The following PKN2 variants were observed in gnomAD, a reference collection of about 807,000 sequenced individuals.
The protein encoded by PKN2 is protein kinase N2.
PKN2 carries 38 observed loss-of-function variants against 119.1 expected under a neutral mutation model. The observed-to-expected ratio is 0.32, with a 90% CI of 0.25 to 0.42. PKN2 has a LOEUF of 0.42. Ranked by LOEUF, PKN2 falls within the 10% of genes least tolerant of loss-of-function variation. The probability of loss-of-function intolerance (pLI) is 1.00; values close to 1 mark genes in which losing one functional copy is unlikely to be tolerated. For missense variants in PKN2, 850 were observed against 1,165.1 expected (o/e 0.73, Z 3.94); for synonymous variants, 390 against 384.9 (o/e 1.01, Z -0.15).
intron 2 of PKN2, among the ~76,000 whole-genome samples, chr1:88,745,886 A>G (rs545460160): frequency 1.3e-4 from 20 of 152,296 alleles, no homozygotes; most frequent in East Asian, 7.7e-4. Flanking sequence ...TAGACTCATT[A>G]ACCAATGGAA....
intron 2 of PKN2, among the ~76,000 whole-genome samples, chr1:88,748,282 A>G (rs1262487089): frequency 6.6e-6 from 1 of 152,168 alleles, no homozygotes; most frequent in Non-Finnish European, 1.5e-5. Flanking sequence ...TTCCCTGACA[A>G]CCACTGACCT....
intron 2 of PKN2, among the ~76,000 whole-genome samples, chr1:88,758,623 CAT>C (rs1669313695): frequency 6.6e-6 from 1 of 152,086 alleles, no homozygotes; most frequent in African/African-American, 2.4e-5. Context: ...TAAGAAAGAA[CAT>C]GTGGTATTTG....
At chr1:88,820,231 T>A (rs924762777) in intron 16 of PKN2, among the ~76,000 whole-genome samples, 753 of 55,056 alleles carry the variant, frequency 0.014, 62 homozygotes, top group African/African-American at 0.06. Context: ...TATATATATA[T>A]ATAAATAGAA....
At chr1:88,706,918 G>T (rs1301452826) in intron 1 of PKN2, among the ~76,000 whole-genome samples, 1 of 151,894 alleles carries the variant, frequency 6.6e-6, no homozygotes, top group Non-Finnish European at 1.5e-5. Context: ...TTTGGTCAAA[G>T]AACACCTCAT....
chr1:88,723,018 C>A (rs1667746204), intron 1 of PKN2, among the ~76,000 whole-genome samples: 1 of 152,160 alleles, frequency 6.6e-6, no homozygotes, highest in African/African-American at 2.4e-5. Context: ...TCAAGGATCG[C>A]TTTCCACCTC....
At chr1:88,721,160 A>G (rs1382446359) in intron 1 of PKN2, among the ~76,000 whole-genome samples, 1 of 152,160 alleles carries the variant, frequency 6.6e-6, no homozygotes, top group Admixed American at 6.5e-5. Flanking sequence ...TTGCTGGATC[A>G]AATGGTAGAC....
chr1:88,740,648 A>C (rs1668541647), intron 1 of PKN2, among the ~76,000 whole-genome samples: 1 of 152,144 alleles, frequency 6.6e-6, no homozygotes, highest in African/African-American at 2.4e-5. Context: ...AACTTGCTCA[A>C]GGTTCACAGT....
At chr1:88,805,846 A>T (rs780603106) in intron 11 of PKN2, 45 bp from the exon 12 acceptor site, 2 of 1,610,102 alleles carry the variant, frequency 1.2e-6, no homozygotes, top group Non-Finnish European at 1.7e-6. Flanking sequence ...TTTAAAATAC[A>T]GACTTTCTAT....
chr1:88,762,398 G>A (rs1325378820), intron 3 of PKN2, among the ~76,000 whole-genome samples: 11 of 152,106 alleles, frequency 7.2e-5, no homozygotes. Flanking sequence ...TCTGAGATAG[G>A]CCTGCCAGTT....
intron 16 of PKN2, among the ~76,000 whole-genome samples, chr1:88,816,392 G>A (rs760744916): frequency 3.3e-5 from 5 of 151,664 alleles, no homozygotes; most frequent in Non-Finnish European, 5.9e-5. Context: ...GACTACAGGC[G>A]CGTGCCACCA....
intron 3 of PKN2, among the ~76,000 whole-genome samples, chr1:88,763,114 C>G (rs927990216): frequency 3.3e-5 from 5 of 152,204 alleles, no homozygotes; most frequent in African/African-American, 1.2e-4. Context: ...AGTAGGGCTT[C>G]TTTCCCTTCC....
chr1:88,798,258 AAT>A (rs1272081406), intron 8 of PKN2, among the ~76,000 whole-genome samples: 1 of 151,650 alleles, frequency 6.6e-6, no homozygotes, highest in Non-Finnish European at 1.5e-5. Flanking sequence ...TTAAATATAT[AAT>A]ATAAAATATT....
chr1:88,796,021 T>G (rs1671050312), intron 8 of PKN2, among the ~76,000 whole-genome samples: 1 of 152,244 alleles, frequency 6.6e-6, no homozygotes, highest in Non-Finnish European at 1.5e-5. Flanking sequence ...AGATTTAACC[T>G]ATTTGTTCTA....
In PKN2 at chr1:88,836,154, A is replaced by G. The variant is rs1672937352; in HGVS notation, c.*2706A>G. 1 of 152,158 alleles carries G rather than the reference A, an allele frequency of 6.6e-6. No individual in the cohort carries two copies. The highest frequency in any genetic ancestry group is 2.4e-5 in the African/African-American group (1 of 41,460). The allele number at this position is 152,158 out of a possible 1,614,324, so 9.4% of individuals were successfully genotyped here. On this transcript the variant is annotated 3_prime_UTR_variant, in exon 22 of 22. Coordinates refer to ENST00000370521, the MANE Select transcript of PKN2 (RefSeq NM_006256.4). ...AACAGCCTGTTTTAATTAAGATGCA[A>G]GCACCAGTATTGTATGTACTTTTCT...
intron 16 of PKN2, among the ~76,000 whole-genome samples, chr1:88,821,304 T>C (rs1022185237): frequency 3.3e-5 from 5 of 152,194 alleles, no homozygotes; most frequent in African/African-American, 9.6e-5. Context: ...AAAAGCCTTA[T>C]CTGTTCTTTT....
intron 15 of PKN2, among the ~76,000 whole-genome samples, chr1:88,809,179 A>T (rs1450381309): frequency 6.6e-6 from 1 of 152,106 alleles, no homozygotes; most frequent in Non-Finnish European, 1.5e-5. Flanking sequence ...CACCTCAATC[A>T]CATCAAAATA....
chr1:88,694,773 T>C (rs1013949550), intron 1 of PKN2, among the ~76,000 whole-genome samples: 5 of 152,252 alleles, frequency 3.3e-5, no homozygotes, highest in African/African-American at 9.6e-5. Flanking sequence ...TTTGGTGTTG[T>C]CAGTTTTCTG....
chr1:88,753,608 T>C (rs1404232851), intron 2 of PKN2, among the ~76,000 whole-genome samples: 1 of 151,848 alleles, frequency 6.6e-6, no homozygotes, highest in African/African-American at 2.4e-5. Context: ...TGGGGAGGCC[T>C]CAGAAAACTT....
At position 88,700,835 on chromosome 1, in the gene PKN2, A is replaced by G. The variant is rs573469523; in HGVS notation, c.48+16207A>G. 1.5e-3 allele frequency among the ~76,000 whole-genome samples: 229 copies of G among 152,318 alleles called. 1 individual carries two copies. The highest frequency in any genetic ancestry group is 3.4e-3 in the Middle Eastern group (1 of 294). On this transcript the variant is annotated intron_variant, in intron 1 of 21. Coordinates refer to ENST00000370521, the MANE Select transcript of PKN2 (RefSeq NM_006256.4). ...CACTTCTGTCTGACAGTGGCTGCTGATTAATGTTTGTTGAGTAAATAACAG... is the reference window on the plus strand; with the variant it reads ...CACTTCTGTCTGACAGTGGCTGCTGGTTAATGTTTGTTGAGTAAATAACAG...
Sources: gnomAD v4.1 joint callset for allele counts (sites outside exome capture counted in the v4.1 genomes callset) on GRCh38, gnomAD v4.1.1 for gene constraint, MANE v1.5 for transcripts, NCBI Gene and HGNC (gene_info 2026-07-23, HGNC 2026-07-21) for gene names.